The following TENM3 variants were observed in gnomAD, a reference collection of about 807,000 sequenced individuals.
The protein encoded by TENM3 is teneurin transmembrane protein 3.
Under a neutral mutation model 255.1 loss-of-function variants are expected in TENM3, and 63 were observed. That is an observed-to-expected ratio of 0.25 (90% CI 0.20 to 0.30). TENM3 has a LOEUF of 0.30. Among genes scored for constraint, TENM3 ranks in the 10% least tolerant of loss-of-function variants. The pLI is 1.00. For missense variants in TENM3, 2,929 were observed against 3,461.1 expected, an observed-to-expected ratio of 0.85 and a Z score of 3.86; for synonymous variants, 1,306 against 1,322.3, an observed-to-expected ratio of 0.99 and a Z score of 0.27.
chr4:182,087,751 G>A, the TENM3 span, among the ~76,000 whole-genome samples: 2 of 152,144 alleles, frequency 1.3e-5, no homozygotes, highest in South Asian at 2.1e-4. Context: ...GCCACAGGAC[G>A]TTTGACCTAT....
At chr4:182,239,103 G>A (rs115103818), upstream of TENM3, among the ~76,000 whole-genome samples, 1,094 of 149,116 alleles carry the variant, frequency 7.3e-3, 9 homozygotes, top group African/African-American at 0.026. Flanking sequence ...TTGAGACGGC[G>A]TCTCGCTGTG....
intron 19 of TENM3, among the ~76,000 whole-genome samples, chr4:182,746,349 A>G (rs1561193182): frequency 6.6e-6 from 1 of 152,244 alleles, no homozygotes; most frequent in Non-Finnish European, 1.5e-5. Flanking sequence ...GTCTGCTTAA[A>G]TAGAACAGCA....
At chr4:181,902,986 G>A in the TENM3 span, among the ~76,000 whole-genome samples, 6 of 152,124 alleles carry the variant, frequency 3.9e-5, no homozygotes, top group Non-Finnish European at 8.8e-5. Context: ...AGCATCATCT[G>A]TATGAATATA....
the TENM3 span, among the ~76,000 whole-genome samples, chr4:181,742,042 CAT>C: frequency 6.6e-6 from 1 of 152,138 alleles, no homozygotes; most frequent in Non-Finnish European, 1.5e-5. Context: ...TTAAAATTGA[CAT>C]AGTTCTTCAG....
chr4:181,495,093 A>T, the TENM3 span, among the ~76,000 whole-genome samples: 1 of 151,942 alleles, frequency 6.6e-6, no homozygotes, highest in African/African-American at 2.4e-5. Flanking sequence ...AAGGAAAATC[A>T]ATATAGACAT....
the TENM3 span, among the ~76,000 whole-genome samples, chr4:182,079,099 T>C: frequency 0.17 from 25,654 of 152,212 alleles, 2,248 homozygotes; most frequent in Middle Eastern, 0.33. Flanking sequence ...CAATGAGTAA[T>C]AATTTGTGCT....
chr4:181,451,627 G>C, the TENM3 span, among the ~76,000 whole-genome samples: 1 of 152,150 alleles, frequency 6.6e-6, no homozygotes, highest in African/African-American at 2.4e-5. Context: ...GTTCCAGCTG[G>C]ATCAGAAAGA....
chr4:181,874,392 C>T, the TENM3 span: 1 of 152,194 alleles, frequency 6.6e-6, no homozygotes, highest in South Asian at 2.1e-4. Context: ...ACATTTGCTT[C>T]ACATATTTTT....
chr4:182,135,665 A>G, the TENM3 span, among the ~76,000 whole-genome samples: 1 of 152,250 alleles, frequency 6.6e-6, no homozygotes, highest in Non-Finnish European at 1.5e-5. Flanking sequence ...GCATATGACC[A>G]CGAACTTCGT....
chr4:182,754,264 C>T lies in TENM3; in HGVS notation c.4018-121C>T. The stretch of plus-strand genomic sequence containing the variant: ...TATTTTACTGAGGCTATTGAAAAAA[C>T]TATTATCAGACAGTTTATCTCAGAT... On this transcript the variant is annotated intron_variant, in intron 21 of 27. Transcript: ENST00000511685. The surrounding 1 kb of genome is among the most constrained non-coding windows in gnomAD (Gnocchi z 5.1). 1 of 1,048,718 alleles carries T rather than the reference C, an allele frequency of 9.5e-7. No individual in the cohort carries two copies. Among genetic ancestry groups the T allele is most frequent in the Non-Finnish European group, 1.3e-6 (1 of 746,636 alleles). 65.0% of individuals were successfully genotyped at this position (1,048,718 alleles called of 1,614,324 possible). A position where few individuals can be genotyped will look rare whatever the true frequency, so the allele number is the denominator to read the frequency against.
intron 3 of TENM3, among the ~76,000 whole-genome samples, chr4:182,535,233 C>A (rs558656083): frequency 6.6e-6 from 1 of 152,188 alleles, no homozygotes; most frequent in Non-Finnish European, 1.5e-5. Context: ...AAAATAAATT[C>A]TCAGTGAGAC....
the TENM3 span, among the ~76,000 whole-genome samples, chr4:181,584,568 A>G: frequency 6.6e-6 from 1 of 152,228 alleles, no homozygotes; most frequent in Non-Finnish European, 1.5e-5. Flanking sequence ...TAAAATATCC[A>G]ACTAAAATGT....
the TENM3 span, among the ~76,000 whole-genome samples, chr4:181,900,675 A>G: frequency 6.6e-6 from 1 of 152,170 alleles, no homozygotes; most frequent in Non-Finnish European, 1.5e-5. Flanking sequence ...ACAAGCATTA[A>G]TTGGGCCTCT....
chr4:181,568,942 C>T, the TENM3 span, among the ~76,000 whole-genome samples: 12 of 152,284 alleles, frequency 7.9e-5, no homozygotes, highest in African/African-American at 1.9e-4. Flanking sequence ...TGTTCTGTTA[C>T]GTGTGTATCC....
At chr4:182,096,271 C>G in the TENM3 span, among the ~76,000 whole-genome samples, 6 of 152,138 alleles carry the variant, frequency 3.9e-5, no homozygotes, top group African/African-American at 1.4e-4. Context: ...GACAAATTAA[C>G]TTCAATACTG....
intron 3 of TENM3, among the ~76,000 whole-genome samples, chr4:182,385,297 C>T (rs1580368304): frequency 1.5e-5 from 2 of 131,678 alleles, no homozygotes; most frequent in East Asian, 2.4e-4. Flanking sequence ...CGGCGTCTCG[C>T]TCTGTCACTC....
intron 3 of TENM3, among the ~76,000 whole-genome samples, chr4:182,508,764 A>G (rs1031102292): frequency 3.3e-5 from 5 of 152,190 alleles, no homozygotes; most frequent in Non-Finnish European, 7.3e-5. Flanking sequence ...CACAGTGACA[A>G]CCTAACTTAG....
the TENM3 span, among the ~76,000 whole-genome samples, chr4:181,933,828 GA>G: frequency 6.6e-6 from 1 of 152,258 alleles, no homozygotes; most frequent in African/African-American, 2.4e-5. Context: ...AAATATTGTA[GA>G]ATTGAATAGT....
chr4:181,957,834 G>A, the TENM3 span, among the ~76,000 whole-genome samples: 143 of 152,304 alleles, frequency 9.4e-4, no homozygotes, highest in African/African-American at 3.4e-3. Flanking sequence ...TTGTGGCTCA[G>A]CGCACTAAAT....
Sources: allele counts gnomAD v4.1 joint callset (sites outside exome capture counted in the v4.1 genomes callset), GRCh38; gene constraint gnomAD v4.1.1; non-coding constraint Gnocchi (gnomAD v3.1); transcripts MANE v1.5; gene names NCBI Gene and HGNC (gene_info 2026-07-23, HGNC 2026-07-21).